CSMD3: variants seen among roughly 807,000 people sequenced by gnomAD.
The protein encoded by CSMD3 is CUB and sushi domain-containing protein 3.
Under a neutral mutation model 435.2 loss-of-function variants are expected in CSMD3, and 177 were observed. The observed-to-expected ratio is 0.41, with a 90% confidence interval of 0.36 to 0.46. CSMD3 has a LOEUF of 0.46. CSMD3 is among the 20% of genes least tolerant of loss of function. The probability of loss-of-function intolerance (pLI) is 0.34; values close to 1 mark genes in which losing one functional copy is unlikely to be tolerated. For missense variants in CSMD3, 4,265 were observed against 4,504.6 expected (o/e 0.95, Z 1.52); for synonymous variants, 1,656 against 1,520.5 (o/e 1.09, Z -2.07).
intron 13 of CSMD3, among the ~76,000 whole-genome samples, chr8:112,718,158 C>T (rs1435131631): frequency 3.3e-5 from 5 of 152,038 alleles, no homozygotes; most frequent in African/African-American, 1.2e-4. Context: ...AATCCTCAGG[C>T]TCATGGTGGT....
intron 25 of CSMD3, 103 bp downstream of exon 25, chr8:112,556,660 A>G: frequency 1.2e-6 from 1 of 854,396 alleles, no homozygotes; most frequent in Non-Finnish European, 1.9e-6. Context: ...TTCTCGATAT[A>G]AAGTGTTAGT....
chr8:113,388,662 T>C (rs558064699), intron 1 of CSMD3, among the ~76,000 whole-genome samples: 59 of 151,650 alleles, frequency 3.9e-4, no homozygotes, highest in Admixed American at 1.1e-3. Flanking sequence ...GCTAAAAAAT[T>C]CCCATAAAAA....
intron 31 of CSMD3, among the ~76,000 whole-genome samples, chr8:112,483,231 A>G (rs766720518): frequency 7.2e-5 from 11 of 152,154 alleles, no homozygotes; most frequent in Non-Finnish European, 1.0e-4. Context: ...TGGCTCACGC[A>G]CATAATCCTA....
intron 11 of CSMD3, among the ~76,000 whole-genome samples, chr8:112,854,682 C>T (rs2080594855): frequency 6.6e-6 from 1 of 152,146 alleles, no homozygotes; most frequent in Admixed American, 6.5e-5. Context: ...GGAATGGGAT[C>T]ATGAAATTTA....
At chr8:112,733,127 TG>T (rs2077111567) in intron 13 of CSMD3, among the ~76,000 whole-genome samples, 1 of 152,118 alleles carries the variant, frequency 6.6e-6, no homozygotes, top group African/African-American at 2.4e-5. Context: ...ATGAAATATT[TG>T]GAGAGTAGCC....
intron 5 of CSMD3, among the ~76,000 whole-genome samples, chr8:113,042,933 T>C (rs1480054504): frequency 1.3e-5 from 2 of 152,230 alleles, no homozygotes; most frequent in African/African-American, 4.8e-5. Flanking sequence ...TTCCAAGTTA[T>C]CATCAATTAT....
Position 112,255,428 on chromosome 8 carries a change from C to T in CSMD3, c.9863-1G>A, listed in dbSNP as rs1237721977. On this transcript the variant is annotated splice_acceptor_variant, in intron 61 of 70. Coordinates refer to ENST00000297405, the MANE Select transcript of CSMD3 (RefSeq NM_198123.2). LOFTEE classifies it high-confidence loss of function. ...ATACCAGGGTCACCACAAAACTTTGCTGGAAATGAAAAGAAAGACGCTTAT... is the reference window on the plus strand; with the variant it reads ...ATACCAGGGTCACCACAAAACTTTGTTGGAAATGAAAAGAAAGACGCTTAT... The T allele has an allele frequency of 6.2e-7, 1 of 1,613,388 alleles. No homozygotes were observed. Among genetic ancestry groups the T allele is most frequent in the Non-Finnish European group, 8.5e-7 (1 of 1,179,670 alleles).
At chr8:113,378,762 A>AGTGTGTGTGTGTGTGT (rs5894145) in intron 1 of CSMD3, among the ~76,000 whole-genome samples, 3,247 of 148,210 alleles carry the variant, frequency 0.022, 71 homozygotes, top group African/African-American at 0.063. Context: ...GTCACACTGA[A>AGTGTGTGTGTGTGTGT]GTGTGTGTGT....
chr8:112,585,120 A>G (rs1830621785), intron 23 of CSMD3, among the ~76,000 whole-genome samples: 1 of 151,642 alleles, frequency 6.6e-6, no homozygotes, highest in Admixed American at 6.6e-5. Flanking sequence ...AAGACAAATA[A>G]GGAATCTAAA....
chr8:112,524,360 T>G (rs1181111243), intron 27 of CSMD3, among the ~76,000 whole-genome samples: 5 of 151,856 alleles, frequency 3.3e-5, no homozygotes, highest in African/African-American at 1.2e-4. Context: ...GAAATAAAAA[T>G]TATGTAAAAA....
chr8:113,411,906 A>G lies in CSMD3; in HGVS notation c.178+24771T>C, dbSNP rs569020287. Among the ~76,000 whole-genome samples the G allele has an allele frequency of 1.7e-4, 26 of 152,252 alleles. No homozygotes were observed. The South Asian group carries it at 5.2e-3, about 30-fold the overall frequency. On this transcript the variant is annotated intron_variant, in intron 1 of 70. Transcript: ENST00000297405. ...TGCAAAATTTTCTTATCTTCAGCAC[A>G]GTAGTTAAGAATATGGGTTTTAGAA...
chr8:112,685,383 A>G (rs769189244), intron 15 of CSMD3, 23 bp downstream of exon 15: 1 of 1,592,646 alleles, frequency 6.3e-7, no homozygotes, highest in Non-Finnish European at 8.6e-7. Flanking sequence ...TTATATGGGA[A>G]AAAAACAGAA....
At chr8:112,983,831 G>C (rs1167780262) in intron 6 of CSMD3, among the ~76,000 whole-genome samples, 1 of 151,930 alleles carries the variant, frequency 6.6e-6, no homozygotes, top group African/African-American at 2.4e-5. Flanking sequence ...TGCCATTCTG[G>C]AAGAAAGACT....
chr8:113,435,692 A>C (rs2094701826), intron 1 of CSMD3, among the ~76,000 whole-genome samples: 1 of 151,708 alleles, frequency 6.6e-6, no homozygotes, highest in Non-Finnish European at 1.5e-5. Flanking sequence ...CGTCTATTCG[A>C]GCTGCCATGA....
intron 34 of CSMD3, among the ~76,000 whole-genome samples, chr8:112,407,054 G>GA (rs1554669649): frequency 6.6e-6 from 1 of 151,498 alleles, no homozygotes; most frequent in Non-Finnish European, 1.5e-5. Flanking sequence ...AAAACTGAAA[G>GA]TTTTTTTTCT....
chr8:112,934,471 G>C (rs1319521090), intron 9 of CSMD3, among the ~76,000 whole-genome samples: 2 of 152,110 alleles, frequency 1.3e-5, no homozygotes, highest in African/African-American at 4.8e-5. Flanking sequence ...AAGTAATTCA[G>C]TTTCAATATT....
At chr8:112,447,955 C>A (rs1815806424) in intron 32 of CSMD3, among the ~76,000 whole-genome samples, 1 of 152,110 alleles carries the variant, frequency 6.6e-6, no homozygotes. Flanking sequence ...GTGTATGTCA[C>A]CTTATTTGGA....
intron 3 of CSMD3, among the ~76,000 whole-genome samples, chr8:113,265,729 T>C (rs572122177): frequency 6.6e-6 from 1 of 151,682 alleles, no homozygotes; most frequent in East Asian, 1.9e-4. Context: ...TAGATTAGGA[T>C]TTTGAACATT....
At chr8:112,909,560 A>C (rs2082351775) in intron 10 of CSMD3, among the ~76,000 whole-genome samples, 2 of 151,874 alleles carry the variant, frequency 1.3e-5, no homozygotes, top group Admixed American at 6.6e-5. Flanking sequence ...AACTTTAAAA[A>C]AAATTCATGC....
Sources: gnomAD v4.1 joint callset for allele counts (sites outside exome capture counted in the v4.1 genomes callset) on GRCh38, gnomAD v4.1.1 for gene constraint, MANE v1.5 for transcripts, NCBI Gene and HGNC (gene_info 2026-07-23, HGNC 2026-07-21) for gene names.